The following DERL2 variants were observed in gnomAD, a reference collection of about 807,000 sequenced individuals.
DERL2 encodes the protein derlin-2.
In DERL2, 13 loss-of-function variants were observed where a neutral mutation model predicts 32.0. The observed-to-expected ratio is 0.41, with a 90% CI of 0.26 to 0.65. DERL2 has a LOEUF of 0.65. DERL2 is among the 30% of genes least tolerant of loss of function. The pLI, the probability that DERL2 is intolerant of heterozygous loss-of-function variation, is 0.35. For missense variants in DERL2, 208 were observed against 296.3 expected, an observed-to-expected ratio of 0.70 and a Z score of 2.19; for synonymous variants, 111 against 104.7, an observed-to-expected ratio of 1.06 and a Z score of -0.37.
At chr17:5,480,690 A>G in intron 4 of DERL2, 108 bp from the exon 5 acceptor site, 1 of 999,332 alleles carries the variant, frequency 1.0e-6, no homozygotes, top group Non-Finnish European at 1.4e-6. Context: ...GGAAAAGTCA[A>G]GTTGTTACAT....
In DERL2 at chr17:5,485,233, G is replaced by A. The variant is rs766689963; in HGVS notation, c.94-17C>T. 1 of 1,531,322 alleles carries A rather than the reference G, an allele frequency of 6.5e-7. No individual in the cohort carries two copies. The allele number at this position is 1,531,322 out of a possible 1,614,324, so 94.9% of individuals were successfully genotyped here. ...TTCCAACTGCTGAAATAGAAAAAGA[G>A]CTTCTTAAAGCAAATCAAGAAACAA... is the stretch of plus-strand genomic sequence containing the variant. On this transcript the variant is annotated splice_polypyrimidine_tract_variant and intron_variant, in intron 1 of 6. Transcript: ENST00000158771.
intron 6 of DERL2, among the ~76,000 whole-genome samples, chr17:5,479,809 TC>T (rs1905651032): frequency 6.6e-6 from 1 of 152,192 alleles, no homozygotes; most frequent in Non-Finnish European, 1.5e-5. Flanking sequence ...AGTGGTCATC[TC>T]TAACAATTAC....
Position 5,481,383 on chromosome 17 carries a change from A to G in DERL2, c.240T>C (p.Arg80=), listed in dbSNP as rs1220755051. The change falls in exon 4 of 7, where the codon CGT becomes CGC. Residue 80 remains arginine, a synonymous_variant. Transcript: ENST00000158771. This position sits in a 1 kb window ranked among gnomAD's most constrained non-coding sequence, Gnocchi z 4.4. The stretch of plus-strand genomic sequence containing the variant: ...AGCCTTCTTCTAGCATTCGACAGTA[A>G]CGATATCTTAAGTTCCAAGTTAAGA... The part of the protein sequence containing the change: ...NFLFNMIFLY[R]YCRMLEEGSF... 2 of 1,612,688 alleles carry G rather than the reference A, an allele frequency of 1.2e-6. No individual in the cohort carries two copies. The highest frequency in any genetic ancestry group is 1.7e-6 in the Non-Finnish European group (2 of 1,178,782).
At position 5,471,987 on chromosome 17, in the gene DERL2, G is replaced by A. The variant is rs1425730112; in HGVS notation, c.*2697C>T. On this transcript the variant is annotated 3_prime_UTR_variant, in exon 7 of 7. Transcript: ENST00000158771. ...TTCTGCTTCTAGAGACTACACAAGAGGTATGAAAGATATGAGGACATACAA... is the reference window on the plus strand; with the variant it reads ...TTCTGCTTCTAGAGACTACACAAGAAGTATGAAAGATATGAGGACATACAA... 6.6e-6 allele frequency: 1 copy of A among 151,958 alleles called. No homozygotes were observed. Among genetic ancestry groups the A allele is most frequent in the Admixed American group, 6.6e-5 (1 of 15,264 alleles). 9.4% of individuals were successfully genotyped at this position (151,958 alleles called of 1,614,324 possible).
At chr17:5,485,839 G>A (rs781757276) in intron 1 of DERL2, 2 of 412,510 alleles carry the variant, frequency 4.8e-6, no homozygotes, top group Non-Finnish European at 4.3e-6. Context: ...CTATAGGTCC[G>A]GCGCTCATCT....
Position 5,482,840 on chromosome 17 carries a change from C to A in DERL2, c.202G>T (p.Gly68Ter). The change falls in exon 3 of 7, where the codon GGA (glycine) becomes TGA (stop). Residue 68 changes from glycine (G) to a stop codon, truncating the protein, a stop_gained. Coordinates refer to ENST00000158771, the MANE Select transcript of DERL2 (RefSeq NM_016041.5). LOFTEE classifies it high-confidence loss of function. ...ITNFLFFGPVGFNFLFNMIFL... is the reference protein window; with the variant it reads ...ITNFLFFGPV ...ATCATGTTAAATAAAAAATTGAATC[C>A]AACTGGCCCAAAAAATAAGAAGTTG... The A allele has an allele frequency of 1.3e-6, 2 of 1,517,712 alleles. No individual in the cohort carries two copies. Among genetic ancestry groups the A allele is most frequent in the South Asian group, 1.2e-5 (1 of 83,074 alleles). The allele number at this position is 1,517,712 out of a possible 1,614,324, so 94.0% of individuals were successfully genotyped here.
At chr17:5,486,016 G>C in intron 1 of DERL2, 53 bp downstream of exon 1, 1 of 1,534,730 alleles carries the variant, frequency 6.5e-7, no homozygotes, top group Non-Finnish European at 8.9e-7. Flanking sequence ...GTTTCCTGAA[G>C]ACCCAGTCAT....
intron 6 of DERL2, among the ~76,000 whole-genome samples, chr17:5,476,896 T>C (rs1905422673): frequency 6.6e-6 from 1 of 152,144 alleles, no homozygotes; most frequent in African/African-American, 2.4e-5. Flanking sequence ...CATCAGACCA[T>C]GCACACATGG....
Position 5,486,098 on chromosome 17 carries a change from T to C in DERL2, c.64A>G (p.Thr22Ala). The C allele has an allele frequency of 1.2e-6, 2 of 1,611,690 alleles. No homozygotes were observed. Among genetic ancestry groups the C allele is most frequent in the Non-Finnish European group, 1.7e-6 (2 of 1,179,164 alleles). The change falls in exon 1 of 7, where the codon ACT (threonine) becomes GCT (alanine). Residue 22 changes from threonine to alanine, a missense_variant. Physicochemically the swap from Thr to Ala is moderately conservative, Grantham distance 58. Around this residue, in one of 3 missense-constraint regions of DERL2, gnomAD observed 44 missense variants for 42.3 expected, o/e 1.04. Transcript: ENST00000158771. Reference protein sequence around the residue: ...QIPPVSRAYTTACVLTTAAVQ... With the variant: ...QIPPVSRAYTAACVLTTAAVQ... ...GCGGCGGTGGTGAGGACGCAGGCAG[T>C]GGTGTAGGCGCGGCTGACCGGTGGG...
chr17:5,482,646 C>A, intron 3 of DERL2, 163 bp downstream of exon 3: 1 of 524,878 alleles, frequency 1.9e-6, no homozygotes, highest in African/African-American at 2.0e-5. Flanking sequence ...GACCTACAGA[C>A]ATTTTCAAAA....
rs1255793106 is a variant in DERL2 at position 5,482,842 on chromosome 17, A to G, written c.200T>C (p.Val67Ala). 3 of 1,521,960 alleles carry G rather than the reference A, an allele frequency of 2.0e-6. No homozygotes were observed. Among genetic ancestry groups the G allele is most frequent in the African/African-American group, 2.8e-5 (2 of 71,668 alleles). The allele number at this position is 1,521,960 out of a possible 1,614,324, so 94.3% of individuals were successfully genotyped here. Residue 67 changes from valine (V) to alanine (A), a missense_variant, in exon 3 of 7, where the codon GTT (valine) becomes GCT (alanine). Coordinates refer to ENST00000158771, the MANE Select transcript of DERL2 (RefSeq NM_016041.5). ...CATGTTAAATAAAAAATTGAATCCA[A>G]CTGGCCCAAAAAATAAGAAGTTGGT... ...LITNFLFFGP[V>A]GFNFLFNMIF...
chr17:5,483,720 C>G (rs1222311910), intron 2 of DERL2, among the ~76,000 whole-genome samples: 1 of 152,134 alleles, frequency 6.6e-6, no homozygotes, highest in African/African-American at 2.4e-5. Flanking sequence ...CAAGGACCCG[C>G]AGGAGTAGAT....
intron 5 of DERL2, 79 bp downstream of exon 5, chr17:5,480,308 A>C (rs1905690357): frequency 4.8e-6 from 7 of 1,445,618 alleles, no homozygotes; most frequent in Non-Finnish European, 6.6e-6. Context: ...CGTGAAGGCC[A>C]AACAGAATAA....
At chr17:5,485,826 C>A (rs1906203714) in intron 1 of DERL2, 4 of 400,428 alleles carry the variant, frequency 1.0e-5, no homozygotes, top group Non-Finnish European at 1.8e-5. Flanking sequence ...CAACCCTAAC[C>A]CGCTATAGGT....
rs1427014103 is a variant in DERL2 at position 5,486,087 on chromosome 17, G to T, written c.75C>A (p.Val25=). 1 of 1,611,566 alleles carries T rather than the reference G, an allele frequency of 6.2e-7. No individual in the cohort carries two copies. The highest frequency in any genetic ancestry group is 1.1e-5 in the South Asian group (1 of 90,928). ...PVSRAYTTAC[V]LTTAAVQLEL... ...TGCTCACCACGGCGGCGGTGGTGAG[G>T]ACGCAGGCAGTGGTGTAGGCGCGGC... Residue 25 remains valine, a synonymous_variant, in exon 1 of 7, where the codon GTC becomes GTA. Transcript: ENST00000158771.
rs781630966 is a variant in DERL2 at position 5,480,582 on chromosome 17, G to C, written c.328C>G (p.Leu110Val). The change falls in exon 5 of 7, where the codon CTT becomes GTT. Residue 110 changes from leucine (L) to valine (V), a missense_variant and splice_region_variant. This residue lies in a region of DERL2 where 124 missense variants were observed against 215.3 expected (regional missense o/e 0.58). Transcript: ENST00000158771. ...ACTAAGCTCACAAACAGACCAAAAA[G>C]CTAGCAGATGGCATTAAGGAAAATA... is the stretch of plus-strand genomic sequence containing the variant. ...MFLFGGFLMT[L>V]FGLFVSLVFL... 2.7e-6 allele frequency: 4 copies of C among 1,490,442 alleles called. No homozygotes were observed. Among genetic ancestry groups the C allele is most frequent in the Non-Finnish European group, 3.6e-6 (4 of 1,124,378 alleles). The allele number at this position is 1,490,442 out of a possible 1,614,324, so 92.3% of individuals were successfully genotyped here. A position where few individuals can be genotyped will look rare whatever the true frequency, so the allele number is the denominator to read the frequency against.
At chr17:5,484,779 C>T (rs1221345105) in intron 2 of DERL2, among the ~76,000 whole-genome samples, 1 of 152,214 alleles carries the variant, frequency 6.6e-6, no homozygotes, top group Non-Finnish European at 1.5e-5. Flanking sequence ...GAGACAACCC[C>T]TAAGCAGCTA....
chr17:5,477,284 G>T (rs550283761), intron 6 of DERL2, among the ~76,000 whole-genome samples: 11 of 152,172 alleles, frequency 7.2e-5, no homozygotes, highest in Non-Finnish European at 1.6e-4. Context: ...TTCTACTCAT[G>T]AAGTTGTAGA....
At chr17:5,483,112 T>G (rs879885016) in intron 2 of DERL2, among the ~76,000 whole-genome samples, 2 of 152,110 alleles carry the variant, frequency 1.3e-5, no homozygotes, top group Non-Finnish European at 2.9e-5. Context: ...ACATTTATAA[T>G]AATAGGAAAG....
Sources: allele counts gnomAD v4.1 joint callset (sites outside exome capture counted in the v4.1 genomes callset), GRCh38; gene constraint gnomAD v4.1.1; regional missense constraint gnomAD v4.1.1; non-coding constraint Gnocchi (gnomAD v3.1); transcripts MANE v1.5; gene names NCBI Gene and HGNC (gene_info 2026-07-23, HGNC 2026-07-21).